FBXO25: variants seen among roughly 807,000 people sequenced by gnomAD.
FBXO25 encodes F-box only protein 25.
In FBXO25, 45 loss-of-function variants were observed where a neutral mutation model predicts 51.9. That is an observed-to-expected ratio of 0.87 (90% CI 0.68 to 1.11). FBXO25 has a LOEUF of 1.11. FBXO25 is among the 50% of genes most tolerant of loss of function. The pLI is 0.00. For missense variants in FBXO25, 507 were observed against 428.5 expected, an observed-to-expected ratio of 1.18 and a Z score of -1.62; for synonymous variants, 199 against 151.0, an observed-to-expected ratio of 1.32 and a Z score of -2.33.
intron 9 of FBXO25, chr8:468,215 G>A (rs916069488): frequency 7.7e-5 from 78 of 1,009,542 alleles, no homozygotes; most frequent in Non-Finnish European, 8.9e-5. Context: ...GGAGCAAGCA[G>A]GAGCCTTGGG....
In FBXO25 at chr8:474,043, C is replaced by T. The variant is rs555542762; in HGVS notation, c.*5239C>T. On this transcript the variant is annotated 3_prime_UTR_variant, in exon 10 of 10. Coordinates refer to ENST00000350302, the MANE Select transcript of FBXO25 (RefSeq NM_183420.2). ...CTTCTCTACCACGTATCCACAAGTTCAACTTTACAAGATGAACTTTTGTCA... is the reference window on the plus strand; with the variant it reads ...CTTCTCTACCACGTATCCACAAGTTTAACTTTACAAGATGAACTTTTGTCA... 1.1e-4 allele frequency: 16 copies of T among 152,368 alleles called. No homozygotes were observed. The highest frequency in any genetic ancestry group is 3.9e-4 in the African/African-American group (16 of 41,558). The allele number at this position is 152,368 out of a possible 1,614,324, so 9.4% of individuals were successfully genotyped here.
chr8:449,657 C>A (rs1293577268), intron 5 of FBXO25, among the ~76,000 whole-genome samples: 3 of 152,132 alleles, frequency 2.0e-5, no homozygotes, highest in African/African-American at 7.2e-5. Flanking sequence ...TCTGGTGTGC[C>A]CTTTTGCTAC....
At chr8:453,520 C>G (rs1173746565) in intron 7 of FBXO25, among the ~76,000 whole-genome samples, 1 of 152,148 alleles carries the variant, frequency 6.6e-6, no homozygotes, top group African/African-American at 2.4e-5. Flanking sequence ...GCTCAGTTAA[C>G]TGAGCTGCAT....
chr8:443,084 G>C (rs55801985), intron 5 of FBXO25, among the ~76,000 whole-genome samples: 48,870 of 145,992 alleles, frequency 0.33, 8,919 homozygotes, highest in African/African-American at 0.51. Context: ...CCTCAGCTCC[G>C]CTGAGAGTCT....
chr8:464,172 C>T (rs1440583502), intron 9 of FBXO25, among the ~76,000 whole-genome samples: 3 of 152,110 alleles, frequency 2.0e-5, no homozygotes, highest in Non-Finnish European at 4.4e-5. Flanking sequence ...TGGCTGGTCT[C>T]AAAACTCCCA....
At position 451,347 on chromosome 8, in the gene FBXO25, G is replaced by A; in HGVS notation, c.554G>A (p.Arg185Lys). 1.2e-6 allele frequency: 2 copies of A among 1,613,966 alleles called. No homozygotes were observed. The highest frequency in any genetic ancestry group is 4.5e-5 in the East Asian group (2 of 44,858). Reference sequence around the variant, plus strand: ...AGCTCTACCCTCTGCATTCTTATTAGAGGAGTAGGGAAGTCTGTATTAGTG... The same window carrying A: ...AGCTCTACCCTCTGCATTCTTATTAAAGGAGTAGGGAAGTCTGTATTAGTG... The part of the protein sequence containing the change: ...DLSSTLCILI[R>K]GVGKSVLVGN... The change falls in exon 7 of 10, where the codon AGA becomes AAA. Residue 185 changes from arginine (R) to lysine (K), a missense_variant. Transcript: ENST00000350302.
rs2116885614 is a variant in FBXO25 at position 471,989 on chromosome 8, A to T, written c.*3185A>T. 1 of 152,352 alleles carries T rather than the reference A, an allele frequency of 6.6e-6. No homozygotes were observed. Among genetic ancestry groups the T allele is most frequent in the East Asian group, 1.9e-4 (1 of 5,186 alleles). 9.4% of individuals were successfully genotyped at this position (152,352 alleles called of 1,614,324 possible). A position where few individuals can be genotyped will look rare whatever the true frequency, so the allele number is the denominator to read the frequency against. On this transcript the variant is annotated 3_prime_UTR_variant, in exon 10 of 10. Coordinates refer to ENST00000350302, the MANE Select transcript of FBXO25 (RefSeq NM_183420.2). ...CTTTTAACACCTTTGTAGATTCCTG[A>T]TGCTGTGTACAAAATCATGTCATCT... is the stretch of plus-strand genomic sequence containing the variant.
rs928473962 is a variant in FBXO25, at chr8:469,124, A to G, written c.*320A>G. Reference sequence around the variant, plus strand: ...CAGCTCCACATTCTTTGTTGACGTGACACTAACGGCCAATAATATGCTTCT... The same window carrying G: ...CAGCTCCACATTCTTTGTTGACGTGGCACTAACGGCCAATAATATGCTTCT... On this transcript the variant is annotated 3_prime_UTR_variant, in exon 10 of 10. Transcript: ENST00000350302. 2 of 254,996 alleles carry G rather than the reference A, an allele frequency of 7.8e-6. No individual in the cohort carries two copies. Among genetic ancestry groups the G allele is most frequent in the African/African-American group, 4.4e-5 (2 of 45,004 alleles). The allele number at this position is 254,996 out of a possible 1,614,324, so 15.8% of individuals were successfully genotyped here.
At chr8:449,028 G>T (rs184062082) in intron 5 of FBXO25, among the ~76,000 whole-genome samples, 2 of 152,298 alleles carry the variant, frequency 1.3e-5, no homozygotes, top group African/African-American at 4.8e-5. Context: ...GACCAAACAT[G>T]CTGTGTCTAT....
intron 7 of FBXO25, among the ~76,000 whole-genome samples, chr8:457,139 C>G (rs1032977765): frequency 6.6e-6 from 1 of 152,204 alleles, no homozygotes; most frequent in African/African-American, 2.4e-5. Flanking sequence ...CAGAAGCTCG[C>G]AGGTGAGCAC....
rs558624439 is a variant in FBXO25 at position 451,362 on chromosome 8, C to T, written c.569C>T (p.Ser190Phe). The change falls in exon 7 of 10, where the codon TCT becomes TTT. Residue 190 changes from serine (S) to phenylalanine (F), a missense_variant. Transcript: ENST00000350302. ...LCILIRGVGKSVLVGNINIWI... is the reference protein window; with the variant it reads ...LCILIRGVGKFVLVGNINIWI... The stretch of plus-strand genomic sequence containing the variant: ...ATTCTTATTAGAGGAGTAGGGAAGT[C>T]TGTATTAGTGGGAAACATCAATATT... 6.2e-7 allele frequency: 1 copy of T among 1,613,972 alleles called. No homozygotes were observed. The highest frequency in any genetic ancestry group is 1.1e-5 in the South Asian group (1 of 91,066).
At chr8:411,436 G>T (rs1796477447) in intron 1 of FBXO25, among the ~76,000 whole-genome samples, 1 of 151,468 alleles carries the variant, frequency 6.6e-6, no homozygotes, top group Middle Eastern at 3.2e-3. Flanking sequence ...TTTTTTCTTG[G>T]CTCTCTTGAT....
In FBXO25 at chr8:473,743, CTAAG is replaced by C. The variant is rs1274246851; in HGVS notation, c.*4944_*4947del. 2 of 151,440 alleles carry C rather than the reference CTAAG, an allele frequency of 1.3e-5. No individual in the cohort carries two copies. The highest frequency in any genetic ancestry group is 2.1e-4 in the South Asian group (1 of 4,808). The allele number at this position is 151,440 out of a possible 1,614,324, so 9.4% of individuals were successfully genotyped here. A position where few individuals can be genotyped will look rare whatever the true frequency, so the allele number is the denominator to read the frequency against. ...TTTCTTTGAAATGCTCTTGTTCTTC[CTAAG>C]TAAGGGAGAGCAAAAAAAATGAGGA... is the stretch of plus-strand genomic sequence containing the variant. On this transcript the variant is annotated 3_prime_UTR_variant, in exon 10 of 10. Transcript: ENST00000350302.
At position 470,826 on chromosome 8, in the gene FBXO25, C is replaced by T. The variant is rs541893204; in HGVS notation, c.*2022C>T. ...TGATAAATTGTGAGCTTGAATATTT[C>T]CATATATTTATTATCCATTTGCTTT... is the stretch of plus-strand genomic sequence containing the variant. On this transcript the variant is annotated 3_prime_UTR_variant, in exon 10 of 10. Coordinates refer to ENST00000350302, the MANE Select transcript of FBXO25 (RefSeq NM_183420.2). 1.3e-3 allele frequency: 196 copies of T among 152,254 alleles called. No homozygotes were observed. Among genetic ancestry groups the T allele is most frequent in the African/African-American group, 4.5e-3 (186 of 41,542 alleles). The allele number at this position is 152,254 out of a possible 1,614,324, so 9.4% of individuals were successfully genotyped here.
intron 5 of FBXO25, among the ~76,000 whole-genome samples, chr8:439,448 A>G (rs1280001866): frequency 2.6e-5 from 4 of 152,364 alleles, no homozygotes; most frequent in South Asian, 2.1e-4. Context: ...CGTAAAGTTT[A>G]TATATCTAAT....
chr8:417,177 A>G (rs768323580), intron 2 of FBXO25, among the ~76,000 whole-genome samples: 1 of 152,222 alleles, frequency 6.6e-6, no homozygotes, highest in African/African-American at 2.4e-5. Flanking sequence ...ACTGGGTCCC[A>G]GCTGTGAAGT....
intron 1 of FBXO25, chr8:407,507 G>T: frequency 1.1e-6 from 1 of 924,992 alleles, no homozygotes; most frequent in Non-Finnish European, 1.3e-6. Context: ...CAGGTGCACC[G>T]CGCGTCCTCA....
chr8:418,023 C>G (rs1796914067), intron 2 of FBXO25, among the ~76,000 whole-genome samples: 1 of 152,150 alleles, frequency 6.6e-6, no homozygotes, highest in South Asian at 2.1e-4. Context: ...TACACAGATT[C>G]CCATTAATTC....
At chr8:439,326 C>T (rs770696342) in intron 5 of FBXO25, among the ~76,000 whole-genome samples, 88 of 152,262 alleles carry the variant, frequency 5.8e-4, no homozygotes, top group South Asian at 6.2e-4. Context: ...GGGCAGTGCA[C>T]GGCGTGAAAG....
Sources: gnomAD v4.1 joint callset for allele counts (sites outside exome capture counted in the v4.1 genomes callset) on GRCh38, gnomAD v4.1.1 for gene constraint, MANE v1.5 for transcripts, NCBI Gene and HGNC (gene_info 2026-07-23, HGNC 2026-07-21) for gene names.